The following FTH1 variants were observed in gnomAD, a reference collection of about 807,000 sequenced individuals.
The protein encoded by FTH1 is ferritin heavy chain.
In FTH1, 3 loss-of-function variants were observed where a neutral mutation model predicts 21.8. The ratio of observed to expected loss-of-function variants is 0.14; its 90% confidence interval spans 0.06 to 0.36. The LOEUF (loss-of-function observed/expected upper bound fraction) is 0.36, where lower values mean the gene tolerates loss of function less well. Among genes scored for constraint, FTH1 ranks in the 10% least tolerant of loss-of-function variants. The probability of loss-of-function intolerance (pLI) is 1.00; values close to 1 mark genes in which losing one functional copy is unlikely to be tolerated. For synonymous variants in FTH1, 83 were observed against 90.1 expected, an observed-to-expected ratio of 0.92 and a Z score of 0.45; for missense variants, 147 against 225.8, an observed-to-expected ratio of 0.65 and a Z score of 2.24.
In FTH1 at chr11:61,967,328, T is replaced by C; in HGVS notation, c.98A>G (p.Tyr33Cys). ...CGCGCTCACCATGGACAGGTAAACG[T>C]AGGAGGCGTAGAGCTCCAGGTTGAT... ...RQINLELYAS[Y>C]VYLSMSYYFD... Residue 33 changes from tyrosine to cysteine, a missense_variant, in exon 1 of 4, where the codon TAC (tyrosine) becomes TGC (cysteine). Tyr to Cys is a radical substitution (Grantham distance 194). Coordinates refer to ENST00000273550, the MANE Select transcript of FTH1 (RefSeq NM_002032.3). 6.2e-7 allele frequency: 1 copy of C among 1,602,122 alleles called. No individual in the cohort carries two copies. The highest frequency in any genetic ancestry group is 8.5e-7 in the Non-Finnish European group (1 of 1,173,886).
At chr11:61,965,763 G>A (rs1942441557) in intron 1 of FTH1, among the ~76,000 whole-genome samples, 1 of 152,114 alleles carries the variant, frequency 6.6e-6, no homozygotes, top group Admixed American at 6.5e-5. Flanking sequence ...GAACCTTTAG[G>A]ATATTATGGG....
In FTH1 at chr11:61,965,050, T is replaced by C; in HGVS notation, c.324A>G (p.Glu108=). The C allele has an allele frequency of 6.2e-7, 1 of 1,612,634 alleles. No homozygotes were observed. The change falls in exon 3 of 4, where the codon GAA becomes GAG. Residue 108 remains glutamate, a synonymous_variant. Coordinates refer to ENST00000273550, the MANE Select transcript of FTH1 (RefSeq NM_002032.3). ...CCAGTAGTGACTGATTCACATTTTTTTCCAAATGTAATGCACACTCCATTG... is the reference window on the plus strand; with the variant it reads ...CCAGTAGTGACTGATTCACATTTTTCTCCAAATGTAATGCACACTCCATTG... ...LNAMECALHL[E]KNVNQSLLEL...
At position 61,964,815 on chromosome 11, in the gene FTH1, T is replaced by C; in HGVS notation, c.464A>G (p.Asn155Ser). ...AIKELGDHVT[N>S]LRKMGAPESG... is the part of the protein sequence containing the mutation. ...TTCGGGCGCTCCCATCTTGCGCAAG[T>C]TGGTCACGTGGTCACCCAATTCTTT... The change falls in exon 4 of 4, where the codon AAC (asparagine) becomes AGC (serine). Residue 155 changes from asparagine (N) to serine (S), a missense_variant. Physicochemically the swap from Asn to Ser is conservative, Grantham distance 46 (BLOSUM62 1). Transcript: ENST00000273550. 6.2e-7 allele frequency: 1 copy of C among 1,600,490 alleles called. No homozygotes were observed.
In FTH1 at chr11:61,964,906, G is replaced by T; in HGVS notation, c.388-15C>A. 6.2e-7 allele frequency: 1 copy of T among 1,612,156 alleles called. No homozygotes were observed. Among genetic ancestry groups the T allele is most frequent in the Non-Finnish European group, 8.5e-7 (1 of 1,180,032 alleles). Reference sequence around the variant, plus strand: ...AAGTCACACAACTGCAAAACAATGGGGAAGACAGTTAGTGGGCAGCTTTCC... The same window carrying T: ...AAGTCACACAACTGCAAAACAATGGTGAAGACAGTTAGTGGGCAGCTTTCC... On this transcript the variant is annotated splice_polypyrimidine_tract_variant and intron_variant, in intron 3 of 3. Coordinates refer to ENST00000273550, the MANE Select transcript of FTH1 (RefSeq NM_002032.3).
intron 1 of FTH1, among the ~76,000 whole-genome samples, chr11:61,966,652 C>T (rs1324301495): frequency 6.6e-6 from 1 of 152,194 alleles, no homozygotes; most frequent in Non-Finnish European, 1.5e-5. Context: ...AACTCCACAC[C>T]TCTTACAGTA....
In FTH1 at chr11:61,966,686, T is replaced by C. The variant is rs533522150; in HGVS notation, c.114+626A>G. The stretch of plus-strand genomic sequence containing the variant: ...TAAGATACATAAAAGATAAATTAGG[T>C]CCCCTAGGCGCAAGGTCAGGTGACA... On this transcript the variant is annotated intron_variant, in intron 1 of 3. Transcript: ENST00000273550. Among the ~76,000 whole-genome samples the C allele has an allele frequency of 2.6e-5, 4 of 152,142 alleles. No individual in the cohort carries two copies. In the South Asian group the frequency reaches 8.3e-4, roughly 32 times the overall value.
chr11:61,965,019 G>A lies in FTH1; in HGVS notation c.355C>T (p.His119Tyr), dbSNP rs1237079690. ...TCATTTTTGTCAGTGGCCAGTTTGT[G>A]CAGTTCCAGTAGTGACTGATTCACA... is the stretch of plus-strand genomic sequence containing the variant. ...KNVNQSLLEL[H>Y]KLATDKNDPH... The change falls in exon 3 of 4, where the codon CAC becomes TAC. Residue 119 changes from histidine to tyrosine, a missense_variant. By Grantham distance (83) the His-to-Tyr change is moderately conservative (BLOSUM62 2). Coordinates refer to ENST00000273550, the MANE Select transcript of FTH1 (RefSeq NM_002032.3). 2 of 1,613,850 alleles carry A rather than the reference G, an allele frequency of 1.2e-6. No individual in the cohort carries two copies. Among genetic ancestry groups the A allele is most frequent in the Non-Finnish European group, 1.7e-6 (2 of 1,180,038 alleles).
At chr11:61,965,223 A>G (rs574498507) in intron 2 of FTH1, 111 bp from the exon 3 acceptor site, 1 of 1,591,710 alleles carries the variant, frequency 6.3e-7, no homozygotes, top group Non-Finnish European at 8.6e-7. Context: ...TGCCTAATTT[A>G]GTTTAGATGG....
intron 1 of FTH1, among the ~76,000 whole-genome samples, chr11:61,966,052 A>T (rs1222431153): frequency 6.6e-6 from 1 of 152,186 alleles, no homozygotes; most frequent in Non-Finnish European, 1.5e-5. Context: ...AGGCAGGCGG[A>T]TCACGAGGTC....
chr11:61,964,980 T>C lies in FTH1; in HGVS notation c.387+7A>G, dbSNP rs1942417106. ...CTCCATTTATTTCCTGGGGTTCCAA[T>C]ACTCACATGGGGGTCATTTTTGTCA... On this transcript the variant is annotated splice_region_variant and intron_variant, in intron 3 of 3. Coordinates refer to ENST00000273550, the MANE Select transcript of FTH1 (RefSeq NM_002032.3). The C allele has an allele frequency of 1.2e-6, 2 of 1,614,140 alleles. No individual in the cohort carries two copies. Among genetic ancestry groups the C allele is most frequent in the Non-Finnish European group, 8.5e-7 (1 of 1,180,026 alleles).
chr11:61,967,178 G>A, intron 1 of FTH1, 134 bp downstream of exon 1: 3 of 477,426 alleles, frequency 6.3e-6, no homozygotes, highest in Non-Finnish European at 1.1e-5. Context: ...CGGAAACCTC[G>A]AGCAGCCTCC....
At chr11:61,967,123 C>T in intron 1 of FTH1, 189 bp downstream of exon 1, 1 of 425,394 alleles carries the variant, frequency 2.4e-6, no homozygotes, top group Non-Finnish European at 4.1e-6. Context: ...CAGGGTACAG[C>T]CGAGAAGAAC....
At position 61,964,399 on chromosome 11, in the gene FTH1, C is replaced by T. The variant is rs1440922498; in HGVS notation, c.*328G>A. The T allele has an allele frequency of 1.5e-6, 1 of 646,374 alleles. No individual in the cohort carries two copies. Among genetic ancestry groups the T allele is most frequent in the East Asian group, 2.8e-5 (1 of 36,218 alleles). The allele number at this position is 646,374 out of a possible 1,614,324, so 40.0% of individuals were successfully genotyped here. A position where few individuals can be genotyped will look rare whatever the true frequency, so the allele number is the denominator to read the frequency against. On this transcript the variant is annotated 3_prime_UTR_variant, in exon 4 of 4. Transcript: ENST00000273550. Reference sequence around the variant, plus strand: ...GGGAACCCTTAGTTCTATCTGAATCCAAGACAGCCACACCTTAGTATACTG... The same window carrying T: ...GGGAACCCTTAGTTCTATCTGAATCTAAGACAGCCACACCTTAGTATACTG...
In FTH1 at chr11:61,964,385, G is replaced by GTTC. The variant is rs1480564442; in HGVS notation, c.*339_*341dup. The GTTC allele has an allele frequency of 3.5e-5, 24 of 689,054 alleles. No individual in the cohort carries two copies. Among genetic ancestry groups the GTTC allele is most frequent in the Middle Eastern group, 4.1e-4 (1 of 2,462 alleles). 42.7% of individuals were successfully genotyped at this position (689,054 alleles called of 1,614,324 possible). A position where few individuals can be genotyped will look rare whatever the true frequency, so the allele number is the denominator to read the frequency against. On this transcript the variant is annotated 3_prime_UTR_variant, in exon 4 of 4. Coordinates refer to ENST00000273550, the MANE Select transcript of FTH1 (RefSeq NM_002032.3). ...CTGGATTCAGAGTCGGGAACCCTTA[G>GTTC]TTCTATCTGAATCCAAGACAGCCAC...
rs1942389559 is a variant in FTH1 at position 61,964,488 on chromosome 11, G to T, written c.*239C>A. On this transcript the variant is annotated 3_prime_UTR_variant, in exon 4 of 4. Coordinates refer to ENST00000273550, the MANE Select transcript of FTH1 (RefSeq NM_002032.3). ...CTTTTTGATTAGTGTGATTAGAACT[G>T]AACAACGGCACTTAAGGAATCTGGA... 1.6e-6 allele frequency: 1 copy of T among 627,130 alleles called. No homozygotes were observed. The highest frequency in any genetic ancestry group is 2.9e-5 in the Admixed American group (1 of 34,400). The allele number at this position is 627,130 out of a possible 1,614,324, so 38.8% of individuals were successfully genotyped here. A position where few individuals can be genotyped will look rare whatever the true frequency, so the allele number is the denominator to read the frequency against.
Position 61,965,532 on chromosome 11 carries a change from G to C in FTH1, c.115-17C>G, listed in dbSNP as rs772405543. The C allele has an allele frequency of 1.9e-6, 3 of 1,599,746 alleles. No homozygotes were observed. The highest frequency in any genetic ancestry group is 1.3e-5 in the African/African-American group (1 of 75,036). On this transcript the variant is annotated splice_polypyrimidine_tract_variant and intron_variant, in intron 1 of 3. Coordinates refer to ENST00000273550, the MANE Select transcript of FTH1 (RefSeq NM_002032.3). ...GTAGTAAGACTGAAAGGGGAACACT[G>C]AATGTGTTATACTAGGGATCCCCAG...
Position 61,967,565 on chromosome 11 carries a change from G to T in FTH1, c.-140C>A, listed in dbSNP as rs1469758900. On this transcript the variant is annotated 5_prime_UTR_variant, in exon 1 of 4. Coordinates refer to ENST00000273550, the MANE Select transcript of FTH1 (RefSeq NM_002032.3). ...TGGGCGGCCGGCCGGGGTGGGGAACGAGCGCCGGGTTCCGTCCAAGCACTG... is the reference window on the plus strand; with the variant it reads ...TGGGCGGCCGGCCGGGGTGGGGAACTAGCGCCGGGTTCCGTCCAAGCACTG... 4.3e-6 allele frequency: 3 copies of T among 705,356 alleles called. No individual in the cohort carries two copies. Among genetic ancestry groups the T allele is most frequent in the Non-Finnish European group, 7.6e-6 (3 of 393,568 alleles). The allele number at this position is 705,356 out of a possible 1,614,324, so 43.7% of individuals were successfully genotyped here. A position where few individuals can be genotyped will look rare whatever the true frequency, so the allele number is the denominator to read the frequency against.
chr11:61,967,124 C>T (rs1942477804), intron 1 of FTH1, 188 bp downstream of exon 1: 1 of 426,596 alleles, frequency 2.3e-6, no homozygotes, highest in African/African-American at 2.1e-5. Flanking sequence ...AGGGTACAGC[C>T]GAGAAGAACC....
chr11:61,965,581 C>T, intron 1 of FTH1, 66 bp from the exon 2 acceptor site: 1 of 1,568,810 alleles, frequency 6.4e-7, no homozygotes, highest in Non-Finnish European at 8.7e-7. Flanking sequence ...TGACGATCTA[C>T]AGGGAGGCAA....
Sources: gnomAD v4.1 joint callset for allele counts (sites outside exome capture counted in the v4.1 genomes callset) on GRCh38, gnomAD v4.1.1 for gene constraint, MANE v1.5 for transcripts, NCBI Gene and HGNC (gene_info 2026-07-23, HGNC 2026-07-21) for gene names.